The following ZDHHC17 variants were observed in gnomAD, a reference collection of about 807,000 sequenced individuals.
The protein encoded by ZDHHC17 is palmitoyltransferase ZDHHC17.
Under a neutral mutation model 90.3 loss-of-function variants are expected in ZDHHC17, and 40 were observed. The observed-to-expected ratio is 0.44, with a 90% CI of 0.34 to 0.58. The LOEUF is 0.58. Ranked by LOEUF, ZDHHC17 falls within the 20% of genes least tolerant of loss-of-function variation. The pLI, the probability that ZDHHC17 is intolerant of heterozygous loss-of-function variation, is 0.01. For missense variants in ZDHHC17, 614 were observed against 780.8 expected, an observed-to-expected ratio of 0.79 and a Z score of 2.55; for synonymous variants, 235 against 252.4, an observed-to-expected ratio of 0.93 and a Z score of 0.65.
intron 1 of ZDHHC17, among the ~76,000 whole-genome samples, chr12:76,793,212 G>A (rs1371851666): frequency 6.6e-6 from 1 of 152,178 alleles, no homozygotes; most frequent in East Asian, 1.9e-4. Context: ...AACAAATAAT[G>A]AAGTGCTTTG....
intron 1 of ZDHHC17, among the ~76,000 whole-genome samples, chr12:76,782,222 CT>C (rs1205420530): frequency 6.6e-6 from 1 of 152,128 alleles, no homozygotes; most frequent in East Asian, 1.9e-4. Flanking sequence ...GATTGGGGGA[CT>C]TTTCAGGAAG....
chr12:76,801,335 G>C (rs1301493305), intron 2 of ZDHHC17, among the ~76,000 whole-genome samples: 3 of 150,292 alleles, frequency 2.0e-5, no homozygotes, highest in Non-Finnish European at 4.4e-5. Context: ...TTTTCTTTGC[G>C]GATACTATGG....
At chr12:76,779,654 C>G (rs1326418781) in intron 1 of ZDHHC17, among the ~76,000 whole-genome samples, 1 of 152,142 alleles carries the variant, frequency 6.6e-6, no homozygotes, top group African/African-American at 2.4e-5. Flanking sequence ...CAGTCTTTCC[C>G]AGAGCAAAAG....
At chr12:76,814,944 T>TA (rs1346147286) in intron 5 of ZDHHC17, among the ~76,000 whole-genome samples, 1 of 151,974 alleles carries the variant, frequency 6.6e-6, no homozygotes, top group African/African-American at 2.4e-5. Flanking sequence ...GGGAATAATG[T>TA]AAAAGCATGA....
At chr12:76,789,706 C>G (rs960072488) in intron 1 of ZDHHC17, among the ~76,000 whole-genome samples, 1 of 148,116 alleles carries the variant, frequency 6.8e-6, no homozygotes, top group East Asian at 2.0e-4. Flanking sequence ...GAAAGAAATC[C>G]GAAAAAAAAA....
intron 1 of ZDHHC17, chr12:76,764,702 G>A: frequency 2.0e-6 from 1 of 492,844 alleles, no homozygotes; most frequent in Non-Finnish European, 4.0e-6. Flanking sequence ...AGGTGGAAGC[G>A]CGTCTGGTTT....
At chr12:76,847,581 G>A (rs1396623544) in intron 14 of ZDHHC17, among the ~76,000 whole-genome samples, 1 of 152,184 alleles carries the variant, frequency 6.6e-6, no homozygotes, top group East Asian at 1.9e-4. Flanking sequence ...GGCTGGGCAT[G>A]GTGGCTCATT....
chr12:76,853,078 T>G lies in ZDHHC17; in HGVS notation c.*2093T>G, dbSNP rs1248640904. The G allele has an allele frequency of 6.6e-6, 1 of 152,148 alleles. No individual in the cohort carries two copies. Among genetic ancestry groups the G allele is most frequent in the African/African-American group, 2.4e-5 (1 of 41,428 alleles). 9.4% of individuals were successfully genotyped at this position (152,148 alleles called of 1,614,324 possible). On this transcript the variant is annotated 3_prime_UTR_variant, in exon 17 of 17. Transcript: ENST00000426126. Reference sequence around the variant, plus strand: ...GCTAAGAATGTTGTTACCATCTTCTTTGTTTGTGGTACAATATTTTCAGTG... The same window carrying G: ...GCTAAGAATGTTGTTACCATCTTCTGTGTTTGTGGTACAATATTTTCAGTG...
chr12:76,815,213 A>G lies in ZDHHC17; in HGVS notation c.608+3A>G, dbSNP rs375136712. 24 of 1,549,402 alleles carry G rather than the reference A, an allele frequency of 1.5e-5. No homozygotes were observed. The highest frequency in any genetic ancestry group is 1.9e-5 in the Non-Finnish European group (22 of 1,144,300). ...TGGGCAGCATATAGAACACATAGGT[A>G]TGTAATGACTATAAAAAACTTATTT... On this transcript the variant is annotated splice_donor_region_variant and intron_variant, in intron 6 of 16. Coordinates refer to ENST00000426126, the MANE Select transcript of ZDHHC17 (RefSeq NM_015336.4).
intron 2 of ZDHHC17, among the ~76,000 whole-genome samples, chr12:76,802,612 C>T (rs1952904964): frequency 6.6e-6 from 1 of 152,160 alleles, no homozygotes; most frequent in South Asian, 2.1e-4. Context: ...TCTTCACTTT[C>T]CTTCGGTCTT....
intron 10 of ZDHHC17, among the ~76,000 whole-genome samples, chr12:76,833,703 A>T (rs1953331023): frequency 1.3e-5 from 2 of 152,108 alleles, no homozygotes; most frequent in African/African-American, 4.8e-5. Flanking sequence ...GAGGCAGGAG[A>T]ATGGCATGAA....
chr12:76,820,373 G>C (rs1010442270), intron 7 of ZDHHC17, among the ~76,000 whole-genome samples: 1 of 152,106 alleles, frequency 6.6e-6, no homozygotes, highest in East Asian at 1.9e-4. Context: ...GGCCTACCCA[G>C]TAATCCCTTT....
intron 15 of ZDHHC17, 102 bp downstream of exon 15, chr12:76,848,492 A>C (rs140890152): frequency 9.1e-6 from 11 of 1,209,220 alleles, no homozygotes; most frequent in Non-Finnish European, 1.1e-5. Flanking sequence ...CTGCTCTTCA[A>C]ATATTCATTT....
At chr12:76,773,876 A>T (rs1169897821) in intron 1 of ZDHHC17, among the ~76,000 whole-genome samples, 1 of 152,158 alleles carries the variant, frequency 6.6e-6, no homozygotes, top group African/African-American at 2.4e-5. Context: ...TAATAAAACT[A>T]CATTTCCATA....
intron 1 of ZDHHC17, among the ~76,000 whole-genome samples, chr12:76,794,683 A>G (rs534006040): frequency 6.8e-6 from 1 of 147,598 alleles, no homozygotes; most frequent in South Asian, 2.1e-4. Flanking sequence ...ATGTTACTGG[A>G]AAAAAAAAGT....
rs182814404 is a variant in ZDHHC17, at chr12:76,805,563, T to G, written c.320+124T>G. On this transcript the variant is annotated intron_variant, in intron 3 of 16. Coordinates refer to ENST00000426126, the MANE Select transcript of ZDHHC17 (RefSeq NM_015336.4). The stretch of plus-strand genomic sequence containing the variant: ...CATGGCTTTTAGAAGATAGATTCTG[T>G]GTACCTTGTTTTTCTGAAAAAGAAA... 8 of 910,776 alleles carry G rather than the reference T, an allele frequency of 8.8e-6. No homozygotes were observed. In the African/African-American group the frequency reaches 1.0e-4, roughly 12 times the overall value. 56.4% of individuals were successfully genotyped at this position (910,776 alleles called of 1,614,324 possible).
intron 1 of ZDHHC17, among the ~76,000 whole-genome samples, chr12:76,795,931 T>C (rs542953046): frequency 6.6e-6 from 1 of 152,290 alleles, no homozygotes; most frequent in Admixed American, 6.5e-5. Flanking sequence ...TAAAGTGTAT[T>C]TTAACATTGG....
At chr12:76,837,194 G>A (rs1225789304) in intron 10 of ZDHHC17, among the ~76,000 whole-genome samples, 1 of 152,282 alleles carries the variant, frequency 6.6e-6, no homozygotes, top group African/African-American at 2.4e-5. Context: ...GGAGTGCAGT[G>A]GCGTGATCTT....
intron 10 of ZDHHC17, among the ~76,000 whole-genome samples, chr12:76,835,010 AT>A (rs35815592): frequency 0.94 from 140,361 of 150,018 alleles, 65,728 homozygotes; most frequent in African/African-American, 0.98. Context: ...TTCCATTTAG[AT>A]TTTTTTTTTA....
Sources: allele counts gnomAD v4.1 joint callset (sites outside exome capture counted in the v4.1 genomes callset), GRCh38; gene constraint gnomAD v4.1.1; transcripts MANE v1.5; gene names NCBI Gene and HGNC (gene_info 2026-07-23, HGNC 2026-07-21).